Variants in CDKAL1 observed in about 807,000 individuals in gnomAD.
The protein encoded by CDKAL1 is CDKAL1 threonylcarbamoyladenosine tRNA methylthiotransferase, also known as threonylcarbamoyladenosine tRNA methylthiotransferase.
In CDKAL1, 32 loss-of-function variants were observed where a neutral mutation model predicts 68.2. The ratio of observed to expected loss-of-function variants is 0.47; its 90% CI spans 0.35 to 0.63. The LOEUF is 0.63. Among genes scored for constraint, CDKAL1 ranks in the 30% least tolerant of loss-of-function variants. The pLI, the probability that CDKAL1 is intolerant of heterozygous loss-of-function variation, is 0.00. For synonymous variants in CDKAL1, 234 were observed against 244.3 expected (o/e 0.96, Z 0.39); for missense variants, 606 against 696.7 (o/e 0.87, Z 1.47).
intron 5 of CDKAL1, among the ~76,000 whole-genome samples, chr6:20,719,116 C>T (rs1464634271): frequency 1.3e-5 from 2 of 152,152 alleles, no homozygotes; most frequent in Non-Finnish European, 2.9e-5. Context: ...CCTTCCTGAA[C>T]CATCCTGCCT....
At chr6:21,203,215 ATTTTTTTTTTT>A (rs371165972) in intron 15 of CDKAL1, among the ~76,000 whole-genome samples, 1,114 of 47,120 alleles carry the variant, frequency 0.024, 25 homozygotes, top group African/African-American at 0.091. Context: ...ATCCTGGCTA[ATTTTTTTTTTT>A]TTTTTTTTTT....
At chr6:21,226,145 A>G (rs967423448) in intron 15 of CDKAL1, among the ~76,000 whole-genome samples, 3 of 152,220 alleles carry the variant, frequency 2.0e-5, no homozygotes, top group African/African-American at 2.4e-5. Context: ...AGTTAAAAGC[A>G]TCTCTTTCCT....
rs1003159282 is a variant in CDKAL1, at chr6:20,961,585, G to C, written c.909+6000G>C. Among the ~76,000 whole-genome samples, 8 of 152,126 alleles carry C rather than the reference G, an allele frequency of 5.3e-5. 1 individual carries two copies. Among genetic ancestry groups the C allele is most frequent in the Non-Finnish European group, 7.4e-5 (5 of 68,018 alleles). ...GATCGAGACCATCCTGGCTAACACA[G>C]TGAAACCCCATCTCTACTAAAAATA... On this transcript the variant is annotated intron_variant, in intron 10 of 15. Transcript: ENST00000274695.
chr6:20,582,227 A>G lies in CDKAL1; in HGVS notation c.286+33522A>G, dbSNP rs1036806073. Reference sequence around the variant, plus strand: ...GGGATACAATTAAAAAATAGAAAAGATTTGATTCTTGTCTTTATTTTTTCA... The same window carrying G: ...GGGATACAATTAAAAAATAGAAAAGGTTTGATTCTTGTCTTTATTTTTTCA... On this transcript the variant is annotated intron_variant, in intron 4 of 15. Coordinates refer to ENST00000274695, the MANE Select transcript of CDKAL1 (RefSeq NM_017774.3). Among the ~76,000 whole-genome samples, 7 of 152,092 alleles carry G rather than the reference A, an allele frequency of 4.6e-5. No homozygotes were observed. In the South Asian group the frequency reaches 1.4e-3, roughly 31 times the overall value.
intron 9 of CDKAL1, among the ~76,000 whole-genome samples, chr6:20,860,527 T>C (rs1759556778): frequency 6.6e-6 from 1 of 152,212 alleles, no homozygotes; most frequent in African/African-American, 2.4e-5. Context: ...AGTAGGCCCA[T>C]AATAAATACT....
chr6:20,565,740 A>C (rs918091100), intron 4 of CDKAL1, among the ~76,000 whole-genome samples: 1 of 152,118 alleles, frequency 6.6e-6, no homozygotes. Flanking sequence ...GTGAGCTATG[A>C]GTAGCATAAA....
At chr6:21,034,386 A>G (rs1355307562) in intron 11 of CDKAL1, among the ~76,000 whole-genome samples, 3 of 152,144 alleles carry the variant, frequency 2.0e-5, no homozygotes, top group Non-Finnish European at 4.4e-5. Flanking sequence ...CCTTTGTGCC[A>G]TCTTTGTCTT....
chr6:20,688,426 G>A (rs1200627498), intron 5 of CDKAL1, among the ~76,000 whole-genome samples: 15 of 145,516 alleles, frequency 1.0e-4, no homozygotes, highest in Admixed American at 7.5e-4. Context: ...GGTTTCTTTC[G>A]TTTTTTTTTT....
intron 9 of CDKAL1, among the ~76,000 whole-genome samples, chr6:20,853,791 T>G (rs1403275132): frequency 6.6e-6 from 1 of 152,058 alleles, no homozygotes; most frequent in Non-Finnish European, 1.5e-5. Flanking sequence ...TCTAGAAAAT[T>G]TTTTGGTTGA....
intron 9 of CDKAL1, among the ~76,000 whole-genome samples, chr6:20,896,287 A>G (rs987920014): frequency 6.6e-6 from 1 of 151,580 alleles, no homozygotes; most frequent in Non-Finnish European, 1.5e-5. Flanking sequence ...TTTAGTAAAG[A>G]CGGGGTTTCA....
intron 13 of CDKAL1, among the ~76,000 whole-genome samples, chr6:21,109,073 TGTAA>T (rs1454659757): frequency 6.6e-6 from 1 of 152,198 alleles, no homozygotes; most frequent in African/African-American, 2.4e-5. Flanking sequence ...TCTTTTCACT[TGTAA>T]GTATTTTACA....
chr6:20,888,815 G>A (rs1761228273), intron 9 of CDKAL1, among the ~76,000 whole-genome samples: 1 of 152,212 alleles, frequency 6.6e-6, no homozygotes, highest in East Asian at 1.9e-4. Context: ...ACTGTGAATA[G>A]TGCCGCAGTA....
chr6:20,996,907 C>T (rs1381574995), intron 10 of CDKAL1, among the ~76,000 whole-genome samples: 1 of 152,204 alleles, frequency 6.6e-6, no homozygotes, highest in Non-Finnish European at 1.5e-5. Context: ...GAAATTAAGG[C>T]AGGCTGATTA....
At chr6:20,554,028 C>T (rs181428925) in intron 4 of CDKAL1, among the ~76,000 whole-genome samples, 1 of 151,812 alleles carries the variant, frequency 6.6e-6, no homozygotes, top group East Asian at 1.9e-4. Context: ...CCATGTTGGC[C>T]AGACTGGTCT....
intron 9 of CDKAL1, among the ~76,000 whole-genome samples, chr6:20,948,632 G>C (rs957532358): frequency 6.6e-6 from 1 of 152,162 alleles, no homozygotes; most frequent in Non-Finnish European, 1.5e-5. Context: ...TGTTTGGACT[G>C]CTAGCGTTGA....
At chr6:20,779,870 T>G (rs972804193) in intron 7 of CDKAL1, among the ~76,000 whole-genome samples, 1 of 152,096 alleles carries the variant, frequency 6.6e-6, no homozygotes, top group Non-Finnish European at 1.5e-5. Context: ...CAAAACTTTA[T>G]AAATGTATTT....
At chr6:20,691,163 G>A (rs752166593) in intron 5 of CDKAL1, among the ~76,000 whole-genome samples, 1 of 152,098 alleles carries the variant, frequency 6.6e-6, no homozygotes, top group Non-Finnish European at 1.5e-5. Context: ...TTTGTAAACG[G>A]CCATTCATTG....
At chr6:21,135,621 T>C in intron 13 of CDKAL1, 1 of 866,288 alleles carries the variant, frequency 1.2e-6, no homozygotes, top group Non-Finnish European at 1.4e-6. Flanking sequence ...AATTACAACA[T>C]AATTTAATTT....
Position 21,000,475 on chromosome 6 carries a change from G to A in CDKAL1, c.1055+103G>A, listed in dbSNP as rs1767370476. The A allele has an allele frequency of 6.8e-6, 7 of 1,023,488 alleles. No homozygotes were observed. In the East Asian group the frequency reaches 1.7e-4, roughly 25 times the overall value. The allele number at this position is 1,023,488 out of a possible 1,614,324, so 63.4% of individuals were successfully genotyped here. A position where few individuals can be genotyped will look rare whatever the true frequency, so the allele number is the denominator to read the frequency against. Reference sequence around the variant, plus strand: ...GCCTTACAATTAAAGGTACAAGAGAGAAGGCGAGACTTTCGAAGCTTTCAA... The same window carrying A: ...GCCTTACAATTAAAGGTACAAGAGAAAAGGCGAGACTTTCGAAGCTTTCAA... On this transcript the variant is annotated intron_variant, in intron 11 of 15. Transcript: ENST00000274695.
Sources: allele counts gnomAD v4.1 joint callset (sites outside exome capture counted in the v4.1 genomes callset), GRCh38; gene constraint gnomAD v4.1.1; transcripts MANE v1.5; gene names NCBI Gene and HGNC (gene_info 2026-07-23, HGNC 2026-07-21).